Variants in DMRTA2 observed in about 807,000 individuals in gnomAD.
DMRTA2 encodes the protein DMRT like family A2.
DMRTA2 carries 10 observed loss-of-function variants against 29.7 expected under a neutral mutation model. The observed-to-expected ratio is 0.34, with a 90% confidence interval of 0.21 to 0.57. The LOEUF is 0.57. Among genes scored for constraint, DMRTA2 ranks in the 20% least tolerant of loss-of-function variants. The pLI is 0.87. For synonymous variants in DMRTA2, 469 were observed against 402.6 expected (o/e 1.16, Z -1.97); for missense variants, 783 against 812.1 (o/e 0.96, Z 0.44).
At position 50,420,576 on chromosome 1, in the gene DMRTA2, AG is replaced by A. The variant is rs768486678; in HGVS notation, c.559+401del. Among the ~76,000 whole-genome samples, 72 of 150,880 alleles carry A rather than the reference AG, an allele frequency of 4.8e-4. No individual in the cohort carries two copies. Among genetic ancestry groups the A allele is most frequent in the African/African-American group, 7.1e-4 (29 of 41,048 alleles). On this transcript the variant is annotated intron_variant, in intron 2 of 2. Coordinates refer to ENST00000404795, the MANE Select transcript of DMRTA2 (RefSeq NM_032110.3). The surrounding 1 kb of genome is among the most constrained non-coding windows in gnomAD (Gnocchi z 4.1). ...TCTCAAAACCTAGGGTGTCAGTTAAAGGGGGGGGGATTCCTTAAGGGAGTTG... is the reference window on the plus strand; with the variant it reads ...TCTCAAAACCTAGGGTGTCAGTTAAAGGGGGGGGATTCCTTAAGGGAGTTG...
At position 50,420,053 on chromosome 1, in the gene DMRTA2, C is replaced by T. The variant is rs1305804127; in HGVS notation, c.560-319G>A. Among the ~76,000 whole-genome samples, 1 of 152,144 alleles carries T rather than the reference C, an allele frequency of 6.6e-6. No homozygotes were observed. ...AACTGCCCTTCCAGTCCTGCCCTGC[C>T]GTGGAGAAGTGGCCAGGTCCAGGGT... On this transcript the variant is annotated intron_variant, in intron 2 of 2. Transcript: ENST00000404795. This position sits in a 1 kb window ranked among gnomAD's most constrained non-coding sequence, Gnocchi z 4.1.
At position 50,418,435 on chromosome 1, in the gene DMRTA2, G is replaced by A. The variant is rs566326234; in HGVS notation, c.*230C>T. The stretch of plus-strand genomic sequence containing the variant: ...AGAGGGATCCGGAGGTAGGAGATGA[G>A]GACCCAGGCCGCGCACCCCCTCCGA... On this transcript the variant is annotated 3_prime_UTR_variant, in exon 3 of 3. Coordinates refer to ENST00000404795, the MANE Select transcript of DMRTA2 (RefSeq NM_032110.3). 3 of 384,584 alleles carry A rather than the reference G, an allele frequency of 7.8e-6. No homozygotes were observed. Among genetic ancestry groups the A allele is most frequent in the Admixed American group, 4.5e-5 (1 of 22,128 alleles). The allele number at this position is 384,584 out of a possible 1,614,324, so 23.8% of individuals were successfully genotyped here. A position where few individuals can be genotyped will look rare whatever the true frequency, so the allele number is the denominator to read the frequency against.
chr1:50,422,161 A>C lies in DMRTA2; in HGVS notation c.-8-617T>G, dbSNP rs1251789485. The stretch of plus-strand genomic sequence containing the variant: ...GGCAGAAGCTTTGGAGAGAAAAATC[A>C]ACAACAGAAAGAATAGCTTTAGGAA... On this transcript the variant is annotated intron_variant, in intron 1 of 2. Coordinates refer to ENST00000404795, the MANE Select transcript of DMRTA2 (RefSeq NM_032110.3). The surrounding 1 kb of genome is among the most constrained non-coding windows in gnomAD (Gnocchi z 5.7). 6.6e-6 allele frequency among the ~76,000 whole-genome samples: 1 copy of C among 152,224 alleles called. No individual in the cohort carries two copies. Among genetic ancestry groups the C allele is most frequent in the Non-Finnish European group, 1.5e-5 (1 of 68,050 alleles).
rs772599968 is a variant in DMRTA2, at chr1:50,418,369, G to A, written c.*296C>T. Reference sequence around the variant, plus strand: ...GCTGTCGCAGCCTCTGAATTCTCATGAATTCCCAGCCTTTTGGAAAGGGGG... The same window carrying A: ...GCTGTCGCAGCCTCTGAATTCTCATAAATTCCCAGCCTTTTGGAAAGGGGG... On this transcript the variant is annotated 3_prime_UTR_variant, in exon 3 of 3. Coordinates refer to ENST00000404795, the MANE Select transcript of DMRTA2 (RefSeq NM_032110.3). The A allele has an allele frequency of 1.3e-5, 4 of 297,132 alleles. No individual in the cohort carries two copies. The highest frequency in any genetic ancestry group is 2.5e-5 in the Non-Finnish European group (4 of 161,786). The allele number at this position is 297,132 out of a possible 1,614,324, so 18.4% of individuals were successfully genotyped here. A position where few individuals can be genotyped will look rare whatever the true frequency, so the allele number is the denominator to read the frequency against.
Position 50,418,923 on chromosome 1 carries a change from C to T in DMRTA2, c.1371G>A (p.Leu457=). The T allele has an allele frequency of 1.4e-6, 2 of 1,437,470 alleles. No individual in the cohort carries two copies. Among genetic ancestry groups the T allele is most frequent in the African/African-American group, 1.5e-5 (1 of 66,486 alleles). 89.0% of individuals were successfully genotyped at this position (1,437,470 alleles called of 1,614,324 possible). A position where few individuals can be genotyped will look rare whatever the true frequency, so the allele number is the denominator to read the frequency against. Reference sequence around the variant, plus strand: ...GGGGGCTGAGGCCGAGCGGCGCGCCCAGCGGGTAGGCGCCCGCGTCGGCAC... The same window carrying T: ...GGGGGCTGAGGCCGAGCGGCGCGCCTAGCGGGTAGGCGCCCGCGTCGGCAC... ...HFGADAGAYP[L]GAPLGLSPLR... The change falls in exon 3 of 3, where the codon CTG becomes CTA. Residue 457 remains leucine, a synonymous_variant. Coordinates refer to ENST00000404795, the MANE Select transcript of DMRTA2 (RefSeq NM_032110.3).
chr1:50,418,743 A>G lies in DMRTA2; in HGVS notation c.1551T>C (p.Ala517=). The change falls in exon 3 of 3, where the codon GCT becomes GCC. Residue 517 remains alanine (A), a synonymous_variant. Coordinates refer to ENST00000404795, the MANE Select transcript of DMRTA2 (RefSeq NM_032110.3). ...AGGTCGGCTCCTTGTGCACCGCCGCAGCAGCGGCGGCCGAGCGGTCACGCA... is the reference window on the plus strand; with the variant it reads ...AGGTCGGCTCCTTGTGCACCGCCGCGGCAGCGGCGGCCGAGCGGTCACGCA... ...DLMRDRSAAA[A]AAVHKEPTYG... is the part of the protein sequence containing the mutation. 6.4e-7 allele frequency: 1 copy of G among 1,559,072 alleles called. No homozygotes were observed. Among genetic ancestry groups the G allele is most frequent in the Non-Finnish European group, 8.6e-7 (1 of 1,156,690 alleles).
In DMRTA2 at chr1:50,420,944, G is replaced by C. The variant is rs550298756; in HGVS notation, c.559+34C>G. On this transcript the variant is annotated intron_variant, in intron 2 of 2. Coordinates refer to ENST00000404795, the MANE Select transcript of DMRTA2 (RefSeq NM_032110.3). This position sits in a 1 kb window ranked among gnomAD's most constrained non-coding sequence, Gnocchi z 4.1. Reference sequence around the variant, plus strand: ...CCCCGTGCCCCAGAGCTACGATCCTGCTGCCCCTACCTGCGGCCTGGCCGC... The same window carrying C: ...CCCCGTGCCCCAGAGCTACGATCCTCCTGCCCCTACCTGCGGCCTGGCCGC... 7.0e-7 allele frequency: 1 copy of C among 1,421,828 alleles called. No homozygotes were observed. The highest frequency in any genetic ancestry group is 1.5e-5 in the African/African-American group (1 of 66,174). 88.1% of individuals were successfully genotyped at this position (1,421,828 alleles called of 1,614,324 possible).
At position 50,421,348 on chromosome 1, in the gene DMRTA2, C is replaced by T. The variant is rs1646036778; in HGVS notation, c.189G>A (p.Lys63=). Residue 63 remains lysine (K), a synonymous_variant, in exon 2 of 3, where the codon AAG becomes AAA. Transcript: ENST00000404795. The surrounding 1 kb of genome is among the most constrained non-coding windows in gnomAD (Gnocchi z 8.7). ...GPPLLLRAAE[K]YPRTPKCARC... ...GCGCGCACTTGGGGGTCCGCGGGTA[C>T]TTCTCGGCTGCCCGCAGCAACAGTG... 1 of 1,520,548 alleles carries T rather than the reference C, an allele frequency of 6.6e-7. No individual in the cohort carries two copies. The allele number at this position is 1,520,548 out of a possible 1,614,324, so 94.2% of individuals were successfully genotyped here. A position where few individuals can be genotyped will look rare whatever the true frequency, so the allele number is the denominator to read the frequency against.
At position 50,418,876 on chromosome 1, in the gene DMRTA2, G is replaced by A; in HGVS notation, c.1418C>T (p.Ala473Val). 1 of 1,520,648 alleles carries A rather than the reference G, an allele frequency of 6.6e-7. No individual in the cohort carries two copies. The highest frequency in any genetic ancestry group is 8.8e-7 in the Non-Finnish European group (1 of 1,140,310). 94.2% of individuals were successfully genotyped at this position (1,520,648 alleles called of 1,614,324 possible). A position where few individuals can be genotyped will look rare whatever the true frequency, so the allele number is the denominator to read the frequency against. The part of the protein sequence containing the change: ...LSPLRLAYSA[A>V]AAHSRGLAFM... ...GGCCAGACCGCGGCTGTGCGCCGCC[G>A]CCGCGGAGTAGGCCAGGCGCAGGGG... Residue 473 changes from alanine to valine, a missense_variant, in exon 3 of 3, where the codon GCG (alanine) becomes GTG (valine). Physicochemically the swap from Ala to Val is moderately conservative, Grantham distance 64. This residue lies in a region of DMRTA2 where 667 missense variants were observed against 624.8 expected (regional missense o/e 1.07). Coordinates refer to ENST00000404795, the MANE Select transcript of DMRTA2 (RefSeq NM_032110.3).
Position 50,421,692 on chromosome 1 carries a change from G to C in DMRTA2, c.-8-148C>G. The C allele has an allele frequency of 1.0e-6, 1 of 970,808 alleles. No homozygotes were observed. Among genetic ancestry groups the C allele is most frequent in the East Asian group, 3.7e-5 (1 of 27,238 alleles). The allele number at this position is 970,808 out of a possible 1,614,324, so 60.1% of individuals were successfully genotyped here. ...AGAGGGGCCAGAATTGCTGGGAGGA[G>C]GTGCAGTCGGAACCTCCTTGTGAGC... is the stretch of plus-strand genomic sequence containing the variant. On this transcript the variant is annotated intron_variant, in intron 1 of 2. Transcript: ENST00000404795. This position sits in a 1 kb window ranked among gnomAD's most constrained non-coding sequence, Gnocchi z 8.7.
chr1:50,419,605 G>C lies in DMRTA2; in HGVS notation c.689C>G (p.Ser230Cys). The stretch of plus-strand genomic sequence containing the variant: ...GCCTGAGCCGGGCCGCACCTCTGGG[G>C]ACGACGTCCCGGGCCCCGAGTCTGC... Reference protein sequence around the residue: ...DGADSGPGTSSPEVRPGSGSE... With the variant: ...DGADSGPGTSCPEVRPGSGSE... Residue 230 changes from serine to cysteine, a missense_variant, in exon 3 of 3, where the codon TCC (serine) becomes TGC (cysteine). Ser to Cys is a moderately radical substitution (Grantham distance 112, BLOSUM62 -1). This residue lies in a region of DMRTA2 where 667 missense variants were observed against 624.8 expected (regional missense o/e 1.07). Coordinates refer to ENST00000404795, the MANE Select transcript of DMRTA2 (RefSeq NM_032110.3). This position sits in a 1 kb window ranked among gnomAD's most constrained non-coding sequence, Gnocchi z 6.1. The C allele has an allele frequency of 6.5e-7, 1 of 1,539,740 alleles. No individual in the cohort carries two copies.
chr1:50,423,049 CCTCCTCAACAGGGGCCGCAGACCAGGT>C (rs1167377963), intron 1 of DMRTA2, 40 bp downstream of exon 1: 1 of 152,456 alleles, frequency 6.6e-6, no homozygotes, highest in Non-Finnish European at 1.5e-5. Context: ...GGGGCCCAGG[CCTCCTCAACAGGGGCCGCAGACCAGGT>C]CTCCACCCAC....
chr1:50,419,053 G>C lies in DMRTA2; in HGVS notation c.1241C>G (p.Pro414Arg), dbSNP rs1427899451. 3 of 1,314,830 alleles carry C rather than the reference G, an allele frequency of 2.3e-6. No homozygotes were observed. The African/African-American group carries it at 4.6e-5, about 20-fold the overall frequency. The allele number at this position is 1,314,830 out of a possible 1,614,324, so 81.4% of individuals were successfully genotyped here. A position where few individuals can be genotyped will look rare whatever the true frequency, so the allele number is the denominator to read the frequency against. ...APLQAGPAAP[P>R]HHRPLLAGAM... ...GCCGGCCAGCAAGGGTCTGTGGTGCGGAGGTGCGGCGGGCCCCGCCTGCAG... is the reference window on the plus strand; with the variant it reads ...GCCGGCCAGCAAGGGTCTGTGGTGCCGAGGTGCGGCGGGCCCCGCCTGCAG... The change falls in exon 3 of 3, where the codon CCG becomes CGG. Residue 414 changes from proline (P) to arginine (R), a missense_variant. Coordinates refer to ENST00000404795, the MANE Select transcript of DMRTA2 (RefSeq NM_032110.3). This position sits in a 1 kb window ranked among gnomAD's most constrained non-coding sequence, Gnocchi z 6.1.
rs899303109 is a variant in DMRTA2 at position 50,420,046 on chromosome 1, G to A, written c.560-312C>T. ...CACCCTTAACTGCCCTTCCAGTCCT[G>A]CCCTGCCGTGGAGAAGTGGCCAGGT... On this transcript the variant is annotated intron_variant, in intron 2 of 2. Transcript: ENST00000404795. This position sits in a 1 kb window ranked among gnomAD's most constrained non-coding sequence, Gnocchi z 4.1. Among the ~76,000 whole-genome samples the A allele has an allele frequency of 6.6e-6, 1 of 152,090 alleles. No individual in the cohort carries two copies. The highest frequency in any genetic ancestry group is 6.6e-5 in the Admixed American group (1 of 15,258).
Position 50,418,551 on chromosome 1 carries a change from A to G in DMRTA2, c.*114T>C. Reference sequence around the variant, plus strand: ...AAAACCCAAAAACCACCTTAGAGTGAGAAGACGCCCAGCCAGGGCGCAGAG... The same window carrying G: ...AAAACCCAAAAACCACCTTAGAGTGGGAAGACGCCCAGCCAGGGCGCAGAG... On this transcript the variant is annotated 3_prime_UTR_variant, in exon 3 of 3. Coordinates refer to ENST00000404795, the MANE Select transcript of DMRTA2 (RefSeq NM_032110.3). 1 of 924,848 alleles carries G rather than the reference A, an allele frequency of 1.1e-6. No individual in the cohort carries two copies. Among genetic ancestry groups the G allele is most frequent in the Non-Finnish European group, 1.5e-6 (1 of 688,196 alleles). The allele number at this position is 924,848 out of a possible 1,614,324, so 57.3% of individuals were successfully genotyped here.
At position 50,420,229 on chromosome 1, in the gene DMRTA2, C is replaced by T. The variant is rs1291932878; in HGVS notation, c.560-495G>A. ...GCTTCTCTACAGGCAGAAGTACAGC[C>T]CCTGTTTCTAATCCACCCTTTCCAA... On this transcript the variant is annotated intron_variant, in intron 2 of 2. Transcript: ENST00000404795. This position sits in a 1 kb window ranked among gnomAD's most constrained non-coding sequence, Gnocchi z 4.1. Among the ~76,000 whole-genome samples the T allele has an allele frequency of 2.0e-5, 3 of 152,134 alleles. No individual in the cohort carries two copies. Among genetic ancestry groups the T allele is most frequent in the African/African-American group, 7.2e-5 (3 of 41,420 alleles).
In DMRTA2 at chr1:50,418,383, T is replaced by C. The variant is rs151279531; in HGVS notation, c.*282A>G. On this transcript the variant is annotated 3_prime_UTR_variant, in exon 3 of 3. Transcript: ENST00000404795. The stretch of plus-strand genomic sequence containing the variant: ...TGAATTCTCATGAATTCCCAGCCTT[T>C]TGGAAAGGGGGCCGGGTGAGGCTGG... 3.8e-3 allele frequency: 1,216 copies of C among 318,998 alleles called. 18 individuals are homozygous for C. Among genetic ancestry groups the C allele is most frequent in the African/African-American group, 0.024 (1,107 of 47,036 alleles). 19.8% of individuals were successfully genotyped at this position (318,998 alleles called of 1,614,324 possible).
At position 50,418,887 on chromosome 1, in the gene DMRTA2, G is replaced by C. The variant is rs757253747; in HGVS notation, c.1407C>G (p.Ala469=). 2.0e-6 allele frequency: 3 copies of C among 1,498,128 alleles called. No individual in the cohort carries two copies. Among genetic ancestry groups the C allele is most frequent in the African/African-American group, 1.5e-5 (1 of 68,424 alleles). 92.8% of individuals were successfully genotyped at this position (1,498,128 alleles called of 1,614,324 possible). A position where few individuals can be genotyped will look rare whatever the true frequency, so the allele number is the denominator to read the frequency against. Residue 469 remains alanine, a synonymous_variant, in exon 3 of 3, where the codon GCC becomes GCG. Coordinates refer to ENST00000404795, the MANE Select transcript of DMRTA2 (RefSeq NM_032110.3). ...APLGLSPLRL[A]YSAAAAHSRG... Reference sequence around the variant, plus strand: ...GGCTGTGCGCCGCCGCCGCGGAGTAGGCCAGGCGCAGGGGGCTGAGGCCGA... The same window carrying C: ...GGCTGTGCGCCGCCGCCGCGGAGTACGCCAGGCGCAGGGGGCTGAGGCCGA...
chr1:50,420,456 A>G lies in DMRTA2; in HGVS notation c.559+522T>C, dbSNP rs1471479721. On this transcript the variant is annotated intron_variant, in intron 2 of 2. Transcript: ENST00000404795. The surrounding 1 kb of genome is among the most constrained non-coding windows in gnomAD (Gnocchi z 4.1). ...AGAAACCAGGGAGGGTGCGGAAGAA[A>G]CTAGAAGGAGGGAGGGCGCAGCAAG... Among the ~76,000 whole-genome samples the G allele has an allele frequency of 6.6e-6, 1 of 152,108 alleles. No homozygotes were observed. The highest frequency in any genetic ancestry group is 1.5e-5 in the Non-Finnish European group (1 of 68,030).
Sources: gnomAD v4.1 joint callset for allele counts (sites outside exome capture counted in the v4.1 genomes callset) on GRCh38, gnomAD v4.1.1 for gene constraint, gnomAD v4.1.1 regional missense constraint, Gnocchi (gnomAD v3.1) non-coding constraint, MANE v1.5 for transcripts, NCBI Gene and HGNC (gene_info 2026-07-23, HGNC 2026-07-21) for gene names.